The following LRRC69 variants were observed in gnomAD, a reference collection of about 807,000 sequenced individuals.
LRRC69 encodes the protein leucine-rich repeat-containing protein 69.
A neutral mutation model predicts 37.8 loss-of-function variants in LRRC69; 42 were observed. The observed-to-expected ratio is 1.11, with a 90% CI of 0.87 to 1.44. The LOEUF is 1.44. Ranked by LOEUF, LRRC69 falls within the 40% of genes most tolerant of loss-of-function variation. LRRC69 has a pLI of 0.00. For missense variants in LRRC69, 357 were observed against 401.9 expected, an observed-to-expected ratio of 0.89 and a Z score of 0.96; for synonymous variants, 141 against 143.1, an observed-to-expected ratio of 0.99 and a Z score of 0.11.
rs560015463 is a variant in LRRC69, at chr8:91,131,362, C to T, written c.384-1748C>T. ...GTTATGGGTTTACAGCCATGAGCCA[C>T]AGCACCCAGCCCAAGTCAAGTCTTA... On this transcript the variant is annotated intron_variant, in intron 3 of 7. Coordinates refer to ENST00000448384, the Ensembl canonical transcript of LRRC69. Among the ~76,000 whole-genome samples, 7 of 151,638 alleles carry T rather than the reference C, an allele frequency of 4.6e-5. No homozygotes were observed. The East Asian group carries it at 1.4e-3, about 29-fold the overall frequency.
chr8:91,184,987 TA>T (rs1442707999), intron 5 of LRRC69, among the ~76,000 whole-genome samples: 1 of 152,050 alleles, frequency 6.6e-6, no homozygotes, highest in Non-Finnish European at 1.5e-5. Context: ...TGGGTGGTTG[TA>T]AGAGGGGGAG....
At chr8:91,162,913 T>C (rs1808970332) in intron 5 of LRRC69, among the ~76,000 whole-genome samples, 1 of 151,394 alleles carries the variant, frequency 6.6e-6, no homozygotes, top group South Asian at 2.1e-4. Context: ...TTGTCAAACC[T>C]ACCCATTAGA....
chr8:91,201,519 T>TA (rs1809711147), intron 7 of LRRC69, among the ~76,000 whole-genome samples: 2 of 151,924 alleles, frequency 1.3e-5, no homozygotes. Flanking sequence ...TTTTGATTTT[T>TA]TTTTCAACCA....
At chr8:91,158,105 A>G in intron 5 of LRRC69, 2 of 1,539,858 alleles carry the variant, frequency 1.3e-6, no homozygotes, top group Non-Finnish European at 1.8e-6. Flanking sequence ...GGAGAGTTCT[A>G]CATTTATTCC....
intron 7 of LRRC69, among the ~76,000 whole-genome samples, chr8:91,203,390 C>CTT (rs879476241): frequency 3.4e-5 from 5 of 145,804 alleles, no homozygotes; most frequent in African/African-American, 1.3e-4. Context: ...TTATACCTAT[C>CTT]TTTTTTTTTT....
intron 5 of LRRC69, among the ~76,000 whole-genome samples, chr8:91,178,233 G>A (rs953541212): frequency 6.6e-6 from 1 of 152,180 alleles, no homozygotes; most frequent in Non-Finnish European, 1.5e-5. Flanking sequence ...TATGATAGAT[G>A]ACAGAGTAGT....
chr8:91,128,147 T>G (rs1425367735), intron 3 of LRRC69, among the ~76,000 whole-genome samples: 1 of 152,018 alleles, frequency 6.6e-6, no homozygotes, highest in African/African-American at 2.4e-5. Context: ...AAAAATCCCT[T>G]GGGAGATCTC....
intron 1 of LRRC69, chr8:91,118,390 A>G (rs1420346922): frequency 3.3e-6 from 1 of 302,938 alleles, no homozygotes; most frequent in Non-Finnish European, 6.1e-6. Flanking sequence ...AAAAAAAAAA[A>G]AAAAGCCAGG....
intron 1 of LRRC69, among the ~76,000 whole-genome samples, chr8:91,118,936 A>G (rs1813567319): frequency 6.6e-6 from 1 of 152,076 alleles, no homozygotes; most frequent in Non-Finnish European, 1.5e-5. Flanking sequence ...CTCAGAGAGT[A>G]CTTCTCTAAT....
chr8:91,189,939 T>A (rs894168336), intron 6 of LRRC69, among the ~76,000 whole-genome samples: 1 of 152,192 alleles, frequency 6.6e-6, no homozygotes, highest in Non-Finnish European at 1.5e-5. Context: ...CTTAGTGTAG[T>A]CTTTACCTCT....
chr8:91,118,351 CAAAAAAAAAAAAAAAAAAAAAAAAAAAAA>C (rs10525965), intron 1 of LRRC69: 166 of 101,878 alleles, frequency 1.6e-3, no homozygotes, highest in Middle Eastern at 4.2e-3. Context: ...ACTAAAAATG[CAAAAAAAAAAAAAAAAAAAAAAAAAAAAA>C]AAAAAAAAAA....
At chr8:91,177,772 A>T (rs34861491) in intron 5 of LRRC69, among the ~76,000 whole-genome samples, 7,870 of 150,374 alleles carry the variant, frequency 0.052, 276 homozygotes, top group Middle Eastern at 0.16. Context: ...AAAAACCTGT[A>T]TTTCTTTCTC....
chr8:91,103,343 A>G (rs2130467314), intron 1 of LRRC69, among the ~76,000 whole-genome samples: 1 of 151,042 alleles, frequency 6.6e-6, no homozygotes. Flanking sequence ...GGGAATAGGA[A>G]GGAGGGGACA....
intron 5 of LRRC69, among the ~76,000 whole-genome samples, chr8:91,152,262 T>C (rs1808754153): frequency 6.6e-6 from 1 of 151,686 alleles, no homozygotes; most frequent in South Asian, 2.1e-4. Flanking sequence ...TTTTATGGTT[T>C]TTGGTTTTAT....
At chr8:91,131,991 A>G (rs1813816363) in intron 3 of LRRC69, among the ~76,000 whole-genome samples, 4 of 151,800 alleles carry the variant, frequency 2.6e-5, no homozygotes, top group African/African-American at 4.8e-5. Context: ...TGTTTTTCCT[A>G]TCAATCCCAG....
intron 5 of LRRC69, among the ~76,000 whole-genome samples, chr8:91,151,016 T>C (rs1324532133): frequency 6.6e-6 from 1 of 151,976 alleles, no homozygotes; most frequent in Non-Finnish European, 1.5e-5. Context: ...ATCAATTTTG[T>C]TGATCTTTTC....
At chr8:91,160,545 T>A (rs941811344) in intron 5 of LRRC69, among the ~76,000 whole-genome samples, 16 of 151,154 alleles carry the variant, frequency 1.1e-4, no homozygotes, top group African/African-American at 3.9e-4. Flanking sequence ...CCCCTACTGT[T>A]CTTGTGATAG....
chr8:91,152,056 G>A (rs1808748867), intron 5 of LRRC69, among the ~76,000 whole-genome samples: 1 of 151,586 alleles, frequency 6.6e-6, no homozygotes, highest in African/African-American at 2.4e-5. Flanking sequence ...CAGATGGGTA[G>A]TTTGCAAAAA....
intron 7 of LRRC69, among the ~76,000 whole-genome samples, chr8:91,204,597 A>G (rs879786430): frequency 2.6e-5 from 4 of 152,238 alleles, no homozygotes; most frequent in Non-Finnish European, 4.4e-5. Context: ...GCATACAAGT[A>G]TGCTATGTTC....
Sources: gnomAD v4.1 joint callset for allele counts (sites outside exome capture counted in the v4.1 genomes callset) on GRCh38, gnomAD v4.1.1 for gene constraint, MANE v1.5 for transcripts, NCBI Gene and HGNC (gene_info 2026-07-23, HGNC 2026-07-21) for gene names.